The following PCTP variants were observed in gnomAD, a reference collection of about 807,000 sequenced individuals.
The protein encoded by PCTP is phosphatidylcholine transfer protein.
A neutral mutation model predicts 31.0 loss-of-function variants in PCTP; 27 were observed. That is an observed-to-expected ratio of 0.87 (90% confidence interval 0.64 to 1.20). The LOEUF is 1.20. Ranked by LOEUF, PCTP falls within the 50% of genes most tolerant of loss-of-function variation. The probability of loss-of-function intolerance (pLI) is 0.00; values close to 1 mark genes in which losing one functional copy is unlikely to be tolerated. For missense variants in PCTP, 287 were observed against 268.2 expected, an observed-to-expected ratio of 1.07 and a Z score of -0.49; for synonymous variants, 108 against 101.2, an observed-to-expected ratio of 1.07 and a Z score of -0.40.
At chr17:55,833,589 A>G (rs1905676909) in intron 5 of PCTP, among the ~76,000 whole-genome samples, 1 of 152,098 alleles carries the variant, frequency 6.6e-6, no homozygotes, top group African/African-American at 2.4e-5. Flanking sequence ...GCATCAAATC[A>G]CCCTGGGAAT....
At chr17:55,797,983 A>C (rs1254168688) in intron 3 of PCTP, among the ~76,000 whole-genome samples, 1 of 152,058 alleles carries the variant, frequency 6.6e-6, no homozygotes. Context: ...ACTGGGATTC[A>C]TATGTCCAAA....
chr17:55,773,989 T>G, intron 4 of PCTP, 94 bp downstream of exon 4: 1 of 1,384,014 alleles, frequency 7.2e-7, no homozygotes, highest in Non-Finnish European at 9.6e-7. Flanking sequence ...ATGAAGCGTA[T>G]CCCTGAAGGT....
chr17:55,846,218 A>G (rs909352638), downstream of PCTP, among the ~76,000 whole-genome samples: 7 of 152,276 alleles, frequency 4.6e-5, no homozygotes, highest in African/African-American at 1.7e-4. Context: ...GATAACTTAA[A>G]GATGAAAATT....
intron 1 of PCTP, among the ~76,000 whole-genome samples, chr17:55,751,810 G>A (rs1196560867): frequency 1.3e-5 from 2 of 152,204 alleles, no homozygotes; most frequent in East Asian, 3.8e-4. Context: ...TCAGGCAGGA[G>A]TAAAGATGTA....
At chr17:55,791,459 G>A in intron 3 of PCTP, among the ~76,000 whole-genome samples, 1 of 146,836 alleles carries the variant, frequency 6.8e-6, no homozygotes, top group African/African-American at 2.5e-5. Flanking sequence ...AAATTTACAA[G>A]AAAAAAACAA....
chr17:55,757,127 A>G (rs184350950), intron 1 of PCTP, among the ~76,000 whole-genome samples: 1 of 151,908 alleles, frequency 6.6e-6, no homozygotes, highest in East Asian at 2.0e-4. Flanking sequence ...TTGAGTGTGC[A>G]TTTGGATATA....
chr17:55,777,176 T>C lies in PCTP; in HGVS notation c.*1076T>C, dbSNP rs994366090. 1 of 985,546 alleles carries C rather than the reference T, an allele frequency of 1.0e-6. No homozygotes were observed. Among genetic ancestry groups the C allele is most frequent in the African/African-American group, 1.7e-5 (1 of 57,232 alleles). The allele number at this position is 985,546 out of a possible 1,614,324, so 61.1% of individuals were successfully genotyped here. On this transcript the variant is annotated 3_prime_UTR_variant, in exon 6 of 6. Coordinates refer to ENST00000268896, the MANE Select transcript of PCTP (RefSeq NM_021213.4). Reference sequence around the variant, plus strand: ...ATTTTGGTAGGGTAAGGTATTTCTATGTCAAAGGCACAGCCTTGATGATCT... The same window carrying C: ...ATTTTGGTAGGGTAAGGTATTTCTACGTCAAAGGCACAGCCTTGATGATCT...
At chr17:55,828,075 G>T (rs904558464), downstream of PCTP, among the ~76,000 whole-genome samples, 1 of 152,140 alleles carries the variant, frequency 6.6e-6, no homozygotes, top group South Asian at 2.1e-4. Flanking sequence ...GGCACTCTGG[G>T]GTGGGAAGCA....
At chr17:55,842,232 G>A (rs1906006662) in intron 5 of PCTP, among the ~76,000 whole-genome samples, 1 of 152,154 alleles carries the variant, frequency 6.6e-6, no homozygotes, top group African/African-American at 2.4e-5. Flanking sequence ...GGGCATGGGG[G>A]CAGGTTGCAA....
chr17:55,784,458 A>G (rs200424652), intron 2 of PCTP, among the ~76,000 whole-genome samples: 1 of 150,452 alleles, frequency 6.6e-6, no homozygotes, highest in Non-Finnish European at 1.5e-5. Flanking sequence ...TAATAATAAC[A>G]ACCATAATAA....
chr17:55,803,039 A>G (rs1469533874), intron 3 of PCTP, among the ~76,000 whole-genome samples: 1 of 152,212 alleles, frequency 6.6e-6, no homozygotes, highest in African/African-American at 2.4e-5. Flanking sequence ...ATGGGCAAAA[A>G]TCACAAGCAT....
chr17:55,823,849 T>C (rs1905309492), downstream of PCTP, among the ~76,000 whole-genome samples: 1 of 152,200 alleles, frequency 6.6e-6, no homozygotes, highest in Non-Finnish European at 1.5e-5. Context: ...CTGCTGATGC[T>C]CCACAGCTTC....
At chr17:55,797,713 A>G (rs1912230634) in intron 3 of PCTP, among the ~76,000 whole-genome samples, 1 of 152,038 alleles carries the variant, frequency 6.6e-6, no homozygotes, top group Non-Finnish European at 1.5e-5. Flanking sequence ...TCAGAATTGT[A>G]TTGAGACCTG....
chr17:55,762,000 A>G (rs1910363984), intron 1 of PCTP, among the ~76,000 whole-genome samples: 1 of 152,200 alleles, frequency 6.6e-6, no homozygotes, highest in Non-Finnish European at 1.5e-5. Flanking sequence ...TACAGTAGGA[A>G]AAGTGCTTTG....
downstream of PCTP, among the ~76,000 whole-genome samples, chr17:55,824,976 G>GA (rs539647075): frequency 3.3e-4 from 51 of 152,260 alleles, no homozygotes; most frequent in African/African-American, 1.1e-3. Context: ...GGATCTGGGA[G>GA]AAAAAATAAA....
chr17:55,845,028 A>C (rs1906098969), downstream of PCTP, among the ~76,000 whole-genome samples: 1 of 141,956 alleles, frequency 7.0e-6, no homozygotes. Context: ...CGGAGGTTGC[A>C]GTGAACCAAG....
chr17:55,818,474 G>A (rs1446841361), intron 3 of PCTP, among the ~76,000 whole-genome samples: 1 of 152,162 alleles, frequency 6.6e-6, no homozygotes, highest in Non-Finnish European at 1.5e-5. Context: ...CACTTACTAT[G>A]TATGTAATCT....
chr17:55,847,726 G>T (rs114835916), downstream of PCTP, among the ~76,000 whole-genome samples: 119 of 152,254 alleles, frequency 7.8e-4, no homozygotes, highest in African/African-American at 2.5e-3. Context: ...TAATGTCTCT[G>T]TTCAAAGCAG....
intron 3 of PCTP, among the ~76,000 whole-genome samples, chr17:55,800,844 CT>C (rs1912351978): frequency 1.3e-5 from 2 of 151,970 alleles, no homozygotes; most frequent in African/African-American, 4.8e-5. Flanking sequence ...GATGCTATTC[CT>C]TTCCGTTTGT....
Sources: gnomAD v4.1 joint callset for allele counts (sites outside exome capture counted in the v4.1 genomes callset) on GRCh38, gnomAD v4.1.1 for gene constraint, MANE v1.5 for transcripts, NCBI Gene and HGNC (gene_info 2026-07-23, HGNC 2026-07-21) for gene names.